RXRG: variants seen among roughly 807,000 people sequenced by gnomAD.
RXRG encodes the protein retinoic acid receptor RXR-gamma.
Under a neutral mutation model 49.2 loss-of-function variants are expected in RXRG, and 19 were observed. The observed-to-expected ratio is 0.39, with a 90% CI of 0.27 to 0.57. The LOEUF (loss-of-function observed/expected upper bound fraction) is 0.57. Among genes scored for constraint, RXRG ranks in the 20% least tolerant of loss-of-function variants. The pLI is 0.64. For missense variants in RXRG, 452 were observed against 592.5 expected (o/e 0.76, Z 2.46); for synonymous variants, 224 against 216.6 (o/e 1.03, Z -0.30).
intron 3 of RXRG, among the ~76,000 whole-genome samples, chr1:165,419,567 A>G (rs1282928177): frequency 1.3e-5 from 2 of 152,074 alleles, no homozygotes; most frequent in African/African-American, 4.8e-5. Context: ...GAGCCACCAC[A>G]CCCAGCAGAA....
chr1:165,402,722 A>G (rs1052915593), intron 9 of RXRG, among the ~76,000 whole-genome samples: 3 of 151,912 alleles, frequency 2.0e-5, no homozygotes, highest in Admixed American at 6.6e-5. Flanking sequence ...ATGTGCCTGC[A>G]CACACACCTT....
chr1:165,422,714 G>C (rs3767344), intron 2 of RXRG, among the ~76,000 whole-genome samples: 66,086 of 152,130 alleles, frequency 0.43, 15,548 homozygotes, highest in South Asian at 0.57. Context: ...AGCCACTAGA[G>C]GCTTGGAGCA....
At chr1:165,424,875 G>A (rs1658434023) in intron 2 of RXRG, 2 of 985,418 alleles carry the variant, frequency 2.0e-6, no homozygotes, top group South Asian at 4.7e-5. Context: ...GCTCACTGTA[G>A]CTAACACCAA....
At chr1:165,437,200 C>A in intron 1 of RXRG, 1 of 1,367,702 alleles carries the variant, frequency 7.3e-7, no homozygotes, top group Non-Finnish European at 9.8e-7. Flanking sequence ...GGGAAGAACA[C>A]CCTAGACCAA....
At chr1:165,435,019 T>C (rs1658781736) in intron 1 of RXRG, among the ~76,000 whole-genome samples, 1 of 152,194 alleles carries the variant, frequency 6.6e-6, no homozygotes, top group Non-Finnish European at 1.5e-5. Flanking sequence ...ACTTTATACA[T>C]GTTGAGCATC....
intron 9 of RXRG, among the ~76,000 whole-genome samples, chr1:165,405,468 C>G (rs1366595627): frequency 6.6e-6 from 1 of 152,250 alleles, no homozygotes; most frequent in Non-Finnish European, 1.5e-5. Context: ...TTGTGGCCAG[C>G]TGGGCCACGT....
intron 1 of RXRG, among the ~76,000 whole-genome samples, chr1:165,432,565 C>A (rs891096914): frequency 1.3e-5 from 2 of 152,136 alleles, no homozygotes; most frequent in Admixed American, 6.6e-5. Context: ...TTTTTGTCAG[C>A]CTCTCTCACT....
chr1:165,435,061 C>G (rs1261751431), intron 1 of RXRG, among the ~76,000 whole-genome samples: 1 of 152,142 alleles, frequency 6.6e-6, no homozygotes, highest in Non-Finnish European at 1.5e-5. Context: ...CCAAAATGCT[C>G]CAAAATCCAA....
chr1:165,409,782 A>G (rs1657883261), intron 6 of RXRG, 92 bp from the exon 7 acceptor site: 1 of 1,166,790 alleles, frequency 8.6e-7, no homozygotes, highest in African/African-American at 1.6e-5. Flanking sequence ...ATCCCACATA[A>G]CACAAGCAGA....
At chr1:165,441,336 C>T (rs956396656) in intron 1 of RXRG, among the ~76,000 whole-genome samples, 7 of 152,174 alleles carry the variant, frequency 4.6e-5, no homozygotes, top group African/African-American at 1.7e-4. Flanking sequence ...TATTGGAGCA[C>T]CGGGAGCTCC....
chr1:165,444,091 G>A (rs1659083920), intron 1 of RXRG, among the ~76,000 whole-genome samples: 1 of 152,146 alleles, frequency 6.6e-6, no homozygotes, highest in Admixed American at 6.5e-5. Flanking sequence ...GTCTCCGGAA[G>A]CTTCTGTGAA....
chr1:165,410,631 G>T, intron 6 of RXRG, 71 bp downstream of exon 6: 1 of 1,569,096 alleles, frequency 6.4e-7, no homozygotes, highest in African/African-American at 1.4e-5. Flanking sequence ...GCTCCATCAG[G>T]CTACTTTTTT....
intron 1 of RXRG, among the ~76,000 whole-genome samples, chr1:165,433,914 A>G (rs935032629): frequency 6.6e-6 from 1 of 152,228 alleles, no homozygotes; most frequent in Non-Finnish European, 1.5e-5. Flanking sequence ...GCATAACTCT[A>G]CAATGACTCC....
chr1:165,416,404 A>G (rs1440187966), intron 4 of RXRG, among the ~76,000 whole-genome samples: 1 of 152,216 alleles, frequency 6.6e-6, no homozygotes, highest in Admixed American at 6.5e-5. Flanking sequence ...ACTATAAATT[A>G]AAAGATGTGA....
chr1:165,441,199 G>A (rs564698830), intron 1 of RXRG, among the ~76,000 whole-genome samples: 1 of 152,350 alleles, frequency 6.6e-6, no homozygotes, highest in South Asian at 2.1e-4. Flanking sequence ...ATGTACCCAA[G>A]GGAAGCCACC....
At chr1:165,403,889 T>C (rs901288309) in intron 9 of RXRG, among the ~76,000 whole-genome samples, 4 of 152,254 alleles carry the variant, frequency 2.6e-5, no homozygotes, top group African/African-American at 7.2e-5. Flanking sequence ...AACACACCCA[T>C]GAACGTCACA....
intron 1 of RXRG, among the ~76,000 whole-genome samples, chr1:165,435,261 T>C (rs1285601561): frequency 2.0e-5 from 3 of 152,208 alleles, no homozygotes; most frequent in African/African-American, 7.2e-5. Context: ...GTGGCTAACA[T>C]TTATTAGGCA....
At chr1:165,424,998 A>T in intron 2 of RXRG, 1 of 983,228 alleles carries the variant, frequency 1.0e-6, no homozygotes, top group Non-Finnish European at 1.2e-6. Flanking sequence ...CTTCCCCAGC[A>T]CTTGGCAAGC....
chr1:165,439,834 A>G (rs1299894722), intron 1 of RXRG, among the ~76,000 whole-genome samples: 3 of 152,236 alleles, frequency 2.0e-5, no homozygotes, highest in Non-Finnish European at 4.4e-5. Flanking sequence ...TCTCAGGGTG[A>G]TTGTGCAGCC....
Sources: gnomAD v4.1 joint callset for allele counts (sites outside exome capture counted in the v4.1 genomes callset) on GRCh38, gnomAD v4.1.1 for gene constraint, MANE v1.5 for transcripts, NCBI Gene and HGNC (gene_info 2026-07-23, HGNC 2026-07-21) for gene names.